CACUL1: variants seen among roughly 807,000 people sequenced by gnomAD.
The protein encoded by CACUL1 is CDK2-associated and cullin domain-containing protein 1.
A neutral mutation model predicts 45.2 loss-of-function variants in CACUL1; 13 were observed. The ratio of observed to expected loss-of-function variants is 0.29; its 90% CI spans 0.19 to 0.46. CACUL1 has a LOEUF of 0.46. Among genes scored for constraint, CACUL1 ranks in the 20% least tolerant of loss-of-function variants. The pLI is 1.00. For missense variants in CACUL1, 421 were observed against 471.4 expected, an observed-to-expected ratio of 0.89 and a Z score of 0.99; for synonymous variants, 197 against 174.2, an observed-to-expected ratio of 1.13 and a Z score of -1.03.
intron 1 of CACUL1, among the ~76,000 whole-genome samples, chr10:118,749,886 C>A (rs929566710): frequency 6.6e-6 from 1 of 152,224 alleles, no homozygotes; most frequent in African/African-American, 2.4e-5. Flanking sequence ...GAAACTAGTT[C>A]ATGGTTCCCT....
chr10:118,696,955 T>C (rs1236170269), intron 5 of CACUL1, among the ~76,000 whole-genome samples: 1 of 151,982 alleles, frequency 6.6e-6, no homozygotes, highest in Non-Finnish European at 1.5e-5. Context: ...AAACAACTCC[T>C]ACCATAACTG....
rs1235325902 is a variant in CACUL1 at position 118,696,620 on chromosome 10, G to GT, written c.797-1391dup. Among the ~76,000 whole-genome samples the GT allele has an allele frequency of 2.0e-5, 3 of 152,206 alleles. No individual in the cohort carries two copies. In the East Asian group the frequency reaches 5.8e-4, roughly 29 times the overall value. ...ATCCCGCTACTGCACTCCAGCTTGGGTAACACAGCGAGACACTATCTAATA... is the reference window on the plus strand; with the variant it reads ...ATCCCGCTACTGCACTCCAGCTTGGGTTAACACAGCGAGACACTATCTAATA... On this transcript the variant is annotated intron_variant, in intron 5 of 8. Transcript: ENST00000369151.
chr10:118,706,388 G>A (rs946189386), intron 4 of CACUL1, among the ~76,000 whole-genome samples: 3 of 152,160 alleles, frequency 2.0e-5, no homozygotes, highest in East Asian at 1.9e-4. Flanking sequence ...CGGCTCGCAC[G>A]GAAATAAAAT....
chr10:118,753,620 A>G (rs1240501607), intron 1 of CACUL1, among the ~76,000 whole-genome samples: 1 of 152,230 alleles, frequency 6.6e-6, no homozygotes, highest in East Asian at 1.9e-4. Flanking sequence ...TCGGATTACA[A>G]AACAGATTTT....
rs752420432 is a variant in CACUL1 at position 118,707,476 on chromosome 10, A to C, written c.693+16T>G. ...ACACCTAGGTATTTGGGAAGGAGGA[A>C]GGAGCTCTTACTTACCATATATATG... On this transcript the variant is annotated intron_variant, in intron 4 of 8. Transcript: ENST00000369151. The C allele has an allele frequency of 1.2e-5, 14 of 1,192,240 alleles. No individual in the cohort carries two copies. Among genetic ancestry groups the C allele is most frequent in the Admixed American group, 6.8e-5 (4 of 58,430 alleles). The allele number at this position is 1,192,240 out of a possible 1,614,324, so 73.9% of individuals were successfully genotyped here.
Position 118,676,794 on chromosome 10 carries a change from T to C in CACUL1, c.*9334A>G, listed in dbSNP as rs1368260009. On this transcript the variant is annotated 3_prime_UTR_variant, in exon 9 of 9. Coordinates refer to ENST00000369151, the MANE Select transcript of CACUL1 (RefSeq NM_153810.5). ...TCTACTTTTGCTTTATATGTATTGG[T>C]AACATATGTTCAAATTTAAACATTT... 2 of 151,994 alleles carry C rather than the reference T, an allele frequency of 1.3e-5. No individual in the cohort carries two copies. Among genetic ancestry groups the C allele is most frequent in the East Asian group, 3.9e-4 (2 of 5,180 alleles). The allele number at this position is 151,994 out of a possible 1,614,324, so 9.4% of individuals were successfully genotyped here.
At chr10:118,707,148 T>C (rs993938013) in intron 4 of CACUL1, among the ~76,000 whole-genome samples, 1 of 152,226 alleles carries the variant, frequency 6.6e-6, no homozygotes, top group African/African-American at 2.4e-5. Context: ...TACTTGGCAT[T>C]TTACTTTCTG....
At chr10:118,733,043 G>C (rs1007471651) in intron 1 of CACUL1, among the ~76,000 whole-genome samples, 1 of 152,036 alleles carries the variant, frequency 6.6e-6, no homozygotes, top group Admixed American at 6.6e-5. Flanking sequence ...CTATCTTCTG[G>C]GCTCCTAAAA....
At chr10:118,747,025 G>T (rs1315014938) in intron 1 of CACUL1, among the ~76,000 whole-genome samples, 2 of 152,104 alleles carry the variant, frequency 1.3e-5, no homozygotes, top group East Asian at 1.9e-4. Flanking sequence ...ATCAGCGCAG[G>T]AATTAGATTC....
rs1316302319 is a variant in CACUL1 at position 118,678,087 on chromosome 10, A to G, written c.*8041T>C. 2 of 152,364 alleles carry G rather than the reference A, an allele frequency of 1.3e-5. No individual in the cohort carries two copies. Among genetic ancestry groups the G allele is most frequent in the Middle Eastern group, 3.4e-3 (1 of 294 alleles). 9.4% of individuals were successfully genotyped at this position (152,364 alleles called of 1,614,324 possible). ...TACCTGACGACTAATGAGGCTGAAC[A>G]TCTTTTCACATTTATGGGCCATTTC... On this transcript the variant is annotated 3_prime_UTR_variant, in exon 9 of 9. Coordinates refer to ENST00000369151, the MANE Select transcript of CACUL1 (RefSeq NM_153810.5).
At chr10:118,748,438 G>A (rs1013173724) in intron 1 of CACUL1, among the ~76,000 whole-genome samples, 1 of 152,092 alleles carries the variant, frequency 6.6e-6, no homozygotes, top group African/African-American at 2.4e-5. Flanking sequence ...GGACTTGGGG[G>A]AAGGGGAAAC....
At chr10:118,737,226 G>A in intron 1 of CACUL1, among the ~76,000 whole-genome samples, 1 of 151,828 alleles carries the variant, frequency 6.6e-6, no homozygotes, top group Non-Finnish European at 1.5e-5. Context: ...GTAGGTTAAA[G>A]CCTCTTAAAA....
rs542020697 is a variant in CACUL1, at chr10:118,682,588, C to T, written c.*3540G>A. On this transcript the variant is annotated 3_prime_UTR_variant, in exon 9 of 9. Coordinates refer to ENST00000369151, the MANE Select transcript of CACUL1 (RefSeq NM_153810.5). Reference sequence around the variant, plus strand: ...TTACCTTTGCTAGTATGCGTACAGACCACCACTCGGAAGTTATCCTTTTGT... The same window carrying T: ...TTACCTTTGCTAGTATGCGTACAGATCACCACTCGGAAGTTATCCTTTTGT... 5 of 152,782 alleles carry T rather than the reference C, an allele frequency of 3.3e-5. No individual in the cohort carries two copies. The highest frequency in any genetic ancestry group is 1.2e-4 in the African/African-American group (5 of 41,580). 9.5% of individuals were successfully genotyped at this position (152,782 alleles called of 1,614,324 possible).
At chr10:118,749,875 T>C (rs1845879186) in intron 1 of CACUL1, among the ~76,000 whole-genome samples, 1 of 152,236 alleles carries the variant, frequency 6.6e-6, no homozygotes, top group Non-Finnish European at 1.5e-5. Flanking sequence ...CCCCCAGTTC[T>C]GAAACTAGTT....
intron 6 of CACUL1, chr10:118,692,657 C>G (rs1015438805): frequency 6.6e-6 from 1 of 152,058 alleles, no homozygotes; most frequent in African/African-American, 2.4e-5. Context: ...TACATTTTTC[C>G]TCTTGGAAAA....
At chr10:118,716,183 G>C (rs1845542472) in intron 3 of CACUL1, among the ~76,000 whole-genome samples, 1 of 150,940 alleles carries the variant, frequency 6.6e-6, no homozygotes, top group Non-Finnish European at 1.5e-5. Context: ...AGTAAGCCAA[G>C]ATTGCGCCAC....
intron 1 of CACUL1, among the ~76,000 whole-genome samples, chr10:118,747,337 TA>T (rs963137102): frequency 2.0e-5 from 3 of 152,150 alleles, no homozygotes; most frequent in African/African-American, 7.2e-5. Flanking sequence ...GCAACCACCC[TA>T]AAGAATTGTT....
At chr10:118,686,446 C>T in intron 8 of CACUL1, 152 bp downstream of exon 8, 1 of 708,256 alleles carries the variant, frequency 1.4e-6, no homozygotes, top group African/African-American at 1.8e-5. Flanking sequence ...GGAGCTGCCA[C>T]AGCATGCAAA....
chr10:118,702,679 T>C (rs1845394576), intron 4 of CACUL1, among the ~76,000 whole-genome samples: 1 of 151,866 alleles, frequency 6.6e-6, no homozygotes, highest in South Asian at 2.1e-4. Context: ...CTTCCCCGGT[T>C]CAAATGATTC....
Sources: gnomAD v4.1 joint callset for allele counts (sites outside exome capture counted in the v4.1 genomes callset) on GRCh38, gnomAD v4.1.1 for gene constraint, MANE v1.5 for transcripts, NCBI Gene and HGNC (gene_info 2026-07-23, HGNC 2026-07-21) for gene names.